AUTS2: variants seen among roughly 807,000 people sequenced by gnomAD.
AUTS2 encodes autism susceptibility gene 2 protein.
In AUTS2, 17 loss-of-function variants were observed where a neutral mutation model predicts 112.4. The ratio of observed to expected loss-of-function variants is 0.15; its 90% CI spans 0.10 to 0.23. AUTS2 has a LOEUF of 0.23. AUTS2 is among the 10% of genes least tolerant of loss of function. The pLI is 1.00. For missense variants in AUTS2, 1,510 were observed against 1,701.6 expected (o/e 0.89, Z 1.98); for synonymous variants, 751 against 702.7 (o/e 1.07, Z -1.09).
chr7:70,640,567 C>T (rs1805769584), intron 5 of AUTS2, among the ~76,000 whole-genome samples: 1 of 124,772 alleles, frequency 8.0e-6, no homozygotes. Flanking sequence ...TAGCTCAGAA[C>T]TAATGGTGTG....
At chr7:69,983,456 C>T (rs963904357) in intron 2 of AUTS2, among the ~76,000 whole-genome samples, 2 of 151,716 alleles carry the variant, frequency 1.3e-5, no homozygotes, top group Non-Finnish European at 1.5e-5. Context: ...GGGGTGACTT[C>T]ATTACAGCAG....
chr7:69,703,167 G>A (rs1584100664), intron 1 of AUTS2, among the ~76,000 whole-genome samples: 1 of 152,268 alleles, frequency 6.6e-6, no homozygotes, highest in East Asian at 1.9e-4. Flanking sequence ...GTGTGCGGGA[G>A]CAGGTGGCAT....
chr7:70,601,077 CT>C (rs948613311), intron 5 of AUTS2, among the ~76,000 whole-genome samples: 11 of 152,316 alleles, frequency 7.2e-5, no homozygotes, highest in African/African-American at 1.9e-4. Flanking sequence ...CTATGTTTCA[CT>C]TTTTGAGGAA....
intron 5 of AUTS2, among the ~76,000 whole-genome samples, chr7:70,629,385 T>C (rs1310515450): frequency 2.6e-5 from 4 of 151,914 alleles, no homozygotes; most frequent in Admixed American, 2.6e-4. Context: ...GGCATGAGAA[T>C]CTGCTGAACC....
chr7:70,452,806 C>T (rs1017212056), intron 5 of AUTS2, among the ~76,000 whole-genome samples: 7 of 152,148 alleles, frequency 4.6e-5, no homozygotes, highest in South Asian at 2.1e-4. Context: ...AAAGCACAGG[C>T]GGTGGGCCCC....
intron 5 of AUTS2, among the ~76,000 whole-genome samples, chr7:70,440,037 G>C (rs1348126661): frequency 6.6e-6 from 1 of 152,046 alleles, no homozygotes; most frequent in Non-Finnish European, 1.5e-5. Context: ...TTTCTCAGCT[G>C]TCAAATGGGG....
At chr7:69,886,196 G>A (rs1794262817) in intron 1 of AUTS2, among the ~76,000 whole-genome samples, 1 of 152,208 alleles carries the variant, frequency 6.6e-6, no homozygotes, top group South Asian at 2.1e-4. Flanking sequence ...GAGAAAGGAT[G>A]TAGCAATTGT....
intron 4 of AUTS2, among the ~76,000 whole-genome samples, chr7:70,245,975 T>C (rs1345037281): frequency 6.6e-6 from 1 of 152,178 alleles, no homozygotes. Flanking sequence ...GTGGTTTTAA[T>C]TTGAATTTTT....
chr7:70,423,026 C>A (rs1357759291), intron 4 of AUTS2, among the ~76,000 whole-genome samples: 1 of 152,142 alleles, frequency 6.6e-6, no homozygotes, highest in African/African-American at 2.4e-5. Context: ...GAGATACTGT[C>A]AAGGAAACTA....
intron 5 of AUTS2, among the ~76,000 whole-genome samples, chr7:70,622,500 C>T: frequency 6.6e-6 from 1 of 152,110 alleles, no homozygotes; most frequent in Non-Finnish European, 1.5e-5. Context: ...CCCGCTAACC[C>T]CCAGACTTTC....
At chr7:70,068,399 T>C (rs1280022910) in intron 2 of AUTS2, among the ~76,000 whole-genome samples, 2 of 151,950 alleles carry the variant, frequency 1.3e-5, no homozygotes, top group East Asian at 1.9e-4. Context: ...TTAGCCAGGA[T>C]GGTCTTGATC....
intron 6 of AUTS2, among the ~76,000 whole-genome samples, chr7:70,703,666 C>T (rs780057784): frequency 1.3e-5 from 2 of 151,982 alleles, no homozygotes; most frequent in South Asian, 2.1e-4. Flanking sequence ...TGGGTTTAGT[C>T]GCAGGGAGGA....
At chr7:70,055,596 C>G (rs1474530091) in intron 2 of AUTS2, among the ~76,000 whole-genome samples, 3 of 152,158 alleles carry the variant, frequency 2.0e-5, no homozygotes, top group African/African-American at 7.2e-5. Flanking sequence ...TAGCTTTTCC[C>G]AGTTTCCAGA....
intron 5 of AUTS2, among the ~76,000 whole-genome samples, chr7:70,666,582 C>T (rs1435374403): frequency 6.6e-6 from 1 of 152,174 alleles, no homozygotes; most frequent in Non-Finnish European, 1.5e-5. Context: ...TGTGCTTTCT[C>T]CTGCCCTTCT....
chr7:69,693,587 G>A (rs1464969737), intron 1 of AUTS2, among the ~76,000 whole-genome samples: 1 of 152,148 alleles, frequency 6.6e-6, no homozygotes, highest in Non-Finnish European at 1.5e-5. Context: ...GCATTTTCAT[G>A]TGCTCATTCA....
chr7:69,729,708 T>A (rs1786695809), intron 1 of AUTS2, among the ~76,000 whole-genome samples: 1 of 152,126 alleles, frequency 6.6e-6, no homozygotes, highest in African/African-American at 2.4e-5. Context: ...ATCCTCTGTG[T>A]AGAATAGTCA....
rs746988815 is a variant in AUTS2 at position 70,790,342 on chromosome 7, G to A, written c.3126G>A (p.Arg1042=). The A allele has an allele frequency of 1.9e-6, 3 of 1,613,862 alleles. No individual in the cohort carries two copies. The Admixed American group carries it at 5.0e-5, about 27-fold the overall frequency. ...TGAACAGCATCAGCAGCCTGGACAGGACTCGCATGATGACCCCCTTCATGG... is the reference window on the plus strand; with the variant it reads ...TGAACAGCATCAGCAGCCTGGACAGAACTCGCATGATGACCCCCTTCATGG... ...HPMNSISSLD[R]TRMMTPFMGI... is the part of the protein sequence containing the mutation. The change falls in exon 19 of 19, where the codon AGG becomes AGA. Residue 1042 remains arginine, a synonymous_variant. Coordinates refer to ENST00000342771, the MANE Select transcript of AUTS2 (RefSeq NM_015570.4). This position sits in a 1 kb window ranked among gnomAD's most constrained non-coding sequence, Gnocchi z 7.6.
chr7:70,059,487 T>C (rs1446001448), intron 2 of AUTS2, among the ~76,000 whole-genome samples: 1 of 152,232 alleles, frequency 6.6e-6, no homozygotes, highest in African/African-American at 2.4e-5. Context: ...TGTGGAGATC[T>C]TAACATTCAC....
rs1388270361 is a variant in AUTS2 at position 70,666,965 on chromosome 7, G to A, written c.691-31604G>A. Among the ~76,000 whole-genome samples the A allele has an allele frequency of 1.8e-4, 21 of 117,442 alleles. 1 individual carries two copies. Among genetic ancestry groups the A allele is most frequent in the Middle Eastern group, 4.3e-3 (1 of 232 alleles). 77.0% of individuals were successfully genotyped at this position (117,442 alleles called of 152,430 possible). A position where few individuals can be genotyped will look rare whatever the true frequency, so the allele number is the denominator to read the frequency against. On this transcript the variant is annotated intron_variant, in intron 5 of 18. Coordinates refer to ENST00000342771, the MANE Select transcript of AUTS2 (RefSeq NM_015570.4). ...AGCAGGGAGCTGTGTTCCTAGTGCC[G>A]TCTTCTTAAAAAAAAAAAAAAAAAA... is the stretch of plus-strand genomic sequence containing the variant.
Sources: gnomAD v4.1 joint callset for allele counts (sites outside exome capture counted in the v4.1 genomes callset) on GRCh38, gnomAD v4.1.1 for gene constraint, Gnocchi (gnomAD v3.1) non-coding constraint, MANE v1.5 for transcripts, NCBI Gene and HGNC (gene_info 2026-07-23, HGNC 2026-07-21) for gene names.